The following DPP10 variants were observed in gnomAD, a reference collection of about 807,000 sequenced individuals.
DPP10 encodes inactive dipeptidyl peptidase 10.
DPP10 carries 33 observed loss-of-function variants against 120.9 expected under a neutral mutation model. That is an observed-to-expected ratio of 0.27 (90% confidence interval 0.21 to 0.37). The LOEUF is 0.37. Ranked by LOEUF, DPP10 falls within the 10% of genes least tolerant of loss-of-function variation. The pLI is 1.00. For synonymous variants in DPP10, 337 were observed against 326.1 expected (o/e 1.03, Z -0.36); for missense variants, 816 against 942.8 (o/e 0.87, Z 1.76).
chr2:114,443,810 A>G (rs1362014816), intron 1 of DPP10, among the ~76,000 whole-genome samples: 2 of 151,922 alleles, frequency 1.3e-5, no homozygotes, highest in African/African-American at 4.8e-5. Flanking sequence ...TATTCCTGAT[A>G]AGCCTGACTT....
intron 3 of DPP10, among the ~76,000 whole-genome samples, chr2:115,426,462 C>T (rs541200203): frequency 1.8e-4 from 5 of 27,266 alleles, no homozygotes; most frequent in African/African-American, 8.9e-4. Context: ...GACATTTCAA[C>T]ATGAGATTCT....
At chr2:114,975,086 C>G (rs1436463153) in intron 1 of DPP10, among the ~76,000 whole-genome samples, 1 of 151,050 alleles carries the variant, frequency 6.6e-6, no homozygotes, top group Non-Finnish European at 1.5e-5. Context: ...GTTGCCCCAG[C>G]TAGAGTGCAA....
At chr2:115,662,366 C>G (rs2089060928) in intron 5 of DPP10, among the ~76,000 whole-genome samples, 1 of 151,898 alleles carries the variant, frequency 6.6e-6, no homozygotes, top group African/African-American at 2.4e-5. Context: ...ATTTTGTATC[C>G]TTTGAAAATG....
intron 2 of DPP10, among the ~76,000 whole-genome samples, chr2:115,312,916 A>G (rs1168871267): frequency 6.6e-6 from 1 of 152,150 alleles, no homozygotes; most frequent in Non-Finnish European, 1.5e-5. Flanking sequence ...CCTCTAGAAC[A>G]ACTCTTCCAA....
intron 1 of DPP10, among the ~76,000 whole-genome samples, chr2:115,166,285 A>C (rs2052835811): frequency 6.6e-6 from 1 of 151,920 alleles, no homozygotes; most frequent in East Asian, 1.9e-4. Context: ...GAGCTTTCAT[A>C]AATCATATTG....
chr2:115,341,861 T>A (rs558018454), intron 2 of DPP10, among the ~76,000 whole-genome samples: 2 of 152,312 alleles, frequency 1.3e-5, no homozygotes, highest in Admixed American at 6.5e-5. Flanking sequence ...ACATCTTGGT[T>A]GCTTCCAAAT....
chr2:115,256,084 C>T (rs59048337), intron 1 of DPP10, among the ~76,000 whole-genome samples: 37,938 of 151,976 alleles, frequency 0.25, 4,957 homozygotes, highest in East Asian at 0.36. Flanking sequence ...TACATGAGAC[C>T]GGGTAATTTA....
At chr2:115,802,416 G>A (rs201732182) in intron 19 of DPP10, among the ~76,000 whole-genome samples, 2 of 152,022 alleles carry the variant, frequency 1.3e-5, no homozygotes, top group Non-Finnish European at 2.9e-5. Context: ...AGGGTTTTTT[G>A]TGTCTCTATT....
intron 1 of DPP10, among the ~76,000 whole-genome samples, chr2:115,303,864 T>G (rs1324473578): frequency 6.6e-6 from 1 of 151,988 alleles, no homozygotes; most frequent in East Asian, 1.9e-4. Flanking sequence ...TCTCAAGGCT[T>G]TTCAAGCCAG....
chr2:115,695,914 C>G (rs940002143), intron 7 of DPP10, among the ~76,000 whole-genome samples: 1 of 151,770 alleles, frequency 6.6e-6, no homozygotes, highest in Non-Finnish European at 1.5e-5. Flanking sequence ...GAGAGTAAAC[C>G]TAAAAGACAC....
intron 5 of DPP10, among the ~76,000 whole-genome samples, chr2:115,657,331 T>C (rs1421059184): frequency 6.6e-6 from 1 of 151,810 alleles, no homozygotes; most frequent in Non-Finnish European, 1.5e-5. Context: ...AAATCAGTCA[T>C]TTAAAACTTA....
chr2:115,629,632 A>G (rs1414795808), intron 5 of DPP10, among the ~76,000 whole-genome samples: 1 of 151,934 alleles, frequency 6.6e-6, no homozygotes, highest in Non-Finnish European at 1.5e-5. Context: ...GTGTCTGTTC[A>G]TATCCAGCAC....
intron 1 of DPP10, among the ~76,000 whole-genome samples, chr2:115,060,752 T>C (rs963214402): frequency 6.6e-6 from 1 of 152,176 alleles, no homozygotes; most frequent in Non-Finnish European, 1.5e-5. Context: ...TCCTGAATGA[T>C]TTTCCCCTTC....
chr2:114,566,463 T>C (rs1057004615), intron 1 of DPP10, among the ~76,000 whole-genome samples: 9 of 152,184 alleles, frequency 5.9e-5, no homozygotes, highest in African/African-American at 2.2e-4. Flanking sequence ...TCATTAGCAT[T>C]TTGCGTTATC....
intron 5 of DPP10, among the ~76,000 whole-genome samples, chr2:115,640,476 A>T (rs965428623): frequency 1.3e-5 from 2 of 152,250 alleles, no homozygotes; most frequent in East Asian, 3.9e-4. Context: ...AGGAAAAAAA[A>T]AAACGACATC....
chr2:115,594,857 C>T (rs1243694298), intron 5 of DPP10, among the ~76,000 whole-genome samples: 1 of 152,078 alleles, frequency 6.6e-6, no homozygotes, highest in African/African-American at 2.4e-5. Flanking sequence ...ATAATTATTA[C>T]TGACAACATA....
At chr2:115,626,490 A>G (rs2085372097) in intron 5 of DPP10, among the ~76,000 whole-genome samples, 1 of 152,128 alleles carries the variant, frequency 6.6e-6, no homozygotes, top group African/African-American at 2.4e-5. Context: ...TGATTTATAC[A>G]TGCTTAGAAA....
At chr2:114,905,898 A>C (rs1278289447) in intron 1 of DPP10, among the ~76,000 whole-genome samples, 13 of 152,158 alleles carry the variant, frequency 8.5e-5, no homozygotes, top group Non-Finnish European at 1.8e-4. Flanking sequence ...TACATCCTGC[A>C]ACATTGTTGA....
chr2:115,568,477 G>A (rs1259849406), intron 5 of DPP10, among the ~76,000 whole-genome samples: 3 of 151,800 alleles, frequency 2.0e-5, no homozygotes, highest in South Asian at 2.1e-4. Flanking sequence ...GCGAGACTCC[G>A]TCTAAAAAAA....
Sources: gnomAD v4.1 joint callset for allele counts (sites outside exome capture counted in the v4.1 genomes callset) on GRCh38, gnomAD v4.1.1 for gene constraint, MANE v1.5 for transcripts, NCBI Gene and HGNC (gene_info 2026-07-23, HGNC 2026-07-21) for gene names.